Variants in FARSB observed in about 807,000 individuals in gnomAD.
The protein encoded by FARSB is phenylalanyl-tRNA synthetase subunit beta, also known as phenylalanine--tRNA ligase beta subunit.
In FARSB, 40 loss-of-function variants were observed where a neutral mutation model predicts 69.6. That is an observed-to-expected ratio of 0.57 (90% CI 0.45 to 0.75). The LOEUF (loss-of-function observed/expected upper bound fraction) is 0.75. FARSB is among the 30% of genes least tolerant of loss of function. FARSB has a pLI of 0.00. For missense variants in FARSB, 632 were observed against 722.9 expected (o/e 0.87, Z 1.44); for synonymous variants, 235 against 247.2 (o/e 0.95, Z 0.46).
chr2:222,645,202 T>C (rs1691817865), intron 2 of FARSB, among the ~76,000 whole-genome samples: 1 of 152,172 alleles, frequency 6.6e-6, no homozygotes. Context: ...CCAGAGAGAC[T>C]CGTCTGGACT....
chr2:222,631,478 TAAATTTCTA>T, intron 8 of FARSB, 117 bp downstream of exon 8: 1 of 678,954 alleles, frequency 1.5e-6, no homozygotes, highest in South Asian at 1.6e-5. Flanking sequence ...TTTAATTGTC[TAAATTTCTA>T]AAATATGTTC....
chr2:222,586,164 A>G (rs1053179657), intron 16 of FARSB, among the ~76,000 whole-genome samples: 1 of 152,232 alleles, frequency 6.6e-6, no homozygotes, highest in African/African-American at 2.4e-5. Context: ...CGGATCTCTC[A>G]GGAGAAACTC....
intron 16 of FARSB, among the ~76,000 whole-genome samples, chr2:222,581,973 G>A (rs1689982980): frequency 6.6e-6 from 1 of 152,222 alleles, no homozygotes; most frequent in African/African-American, 2.4e-5. Context: ...TGCAGCGTTT[G>A]TACAACGTTG....
intron 2 of FARSB, among the ~76,000 whole-genome samples, chr2:222,644,870 T>G (rs1376363057): frequency 6.6e-6 from 1 of 152,102 alleles, no homozygotes; most frequent in African/African-American, 2.4e-5. Flanking sequence ...GAATTTCTTA[T>G]TGTACTATAC....
chr2:222,590,710 A>G (rs932595341), intron 16 of FARSB, among the ~76,000 whole-genome samples: 1 of 152,180 alleles, frequency 6.6e-6, no homozygotes, highest in Non-Finnish European at 1.5e-5. Flanking sequence ...TGTTGTATTT[A>G]CAACTGGGAA....
At chr2:222,587,573 G>C (rs1015227035) in intron 16 of FARSB, among the ~76,000 whole-genome samples, 1 of 152,112 alleles carries the variant, frequency 6.6e-6, no homozygotes, top group Admixed American at 6.5e-5. Context: ...CCAGGAGCTG[G>C]TTTTTTGAAA....
rs796135513 is a variant in FARSB at position 222,644,650 on chromosome 2, G to T, written c.115-1645C>A. On this transcript the variant is annotated intron_variant, in intron 2 of 16. Transcript: ENST00000281828. ...CAGCAGCACCCCCTTATCCACAGGG[G>T]ATATGTTTCAAGCTCCCCAGTGGAT... The T allele has an allele frequency of 1.7e-5, 6 of 362,588 alleles. No individual in the cohort carries two copies. The East Asian group carries it at 2.5e-4, about 15-fold the overall frequency. The allele number at this position is 362,588 out of a possible 1,614,324, so 22.5% of individuals were successfully genotyped here.
intron 6 of FARSB, among the ~76,000 whole-genome samples, chr2:222,633,684 A>C (rs1574946108): frequency 1.4e-4 from 1 of 6,924 alleles, no homozygotes. Flanking sequence ...CTCCGTCTCA[A>C]AAAAAAAAAA....
intron 10 of FARSB, among the ~76,000 whole-genome samples, chr2:222,625,978 G>A (rs1440369267): frequency 3.3e-5 from 5 of 152,138 alleles, no homozygotes; most frequent in African/African-American, 9.7e-5. Context: ...TGGGCGTGGT[G>A]GCTCACGCCT....
chr2:222,650,506 G>T (rs1203816678), intron 1 of FARSB, among the ~76,000 whole-genome samples: 1 of 152,184 alleles, frequency 6.6e-6, no homozygotes, highest in Non-Finnish European at 1.5e-5. Flanking sequence ...AATGTATAAG[G>T]CTCGATGGCC....
chr2:222,587,606 A>G (rs1690152805), intron 16 of FARSB, among the ~76,000 whole-genome samples: 1 of 152,238 alleles, frequency 6.6e-6, no homozygotes, highest in East Asian at 1.9e-4. Flanking sequence ...TTGATAGACC[A>G]CTAGCAGACT....
chr2:222,651,888 G>T (rs1299548220), intron 1 of FARSB, among the ~76,000 whole-genome samples: 1 of 152,210 alleles, frequency 6.6e-6, no homozygotes, highest in East Asian at 1.9e-4. Context: ...TCACTCAGAG[G>T]GGTGGAAACC....
intron 8 of FARSB, among the ~76,000 whole-genome samples, chr2:222,630,418 C>T (rs1216601541): frequency 6.6e-6 from 1 of 152,130 alleles, no homozygotes; most frequent in Non-Finnish European, 1.5e-5. Flanking sequence ...TTCCCCAACC[C>T]CCAACCTCAG....
At chr2:222,634,294 TAAAAG>T in intron 6 of FARSB, 92 bp downstream of exon 6, 1 of 837,802 alleles carries the variant, frequency 1.2e-6, no homozygotes, top group Non-Finnish European at 1.8e-6. Context: ...TGCTATTTTT[TAAAAG>T]TATTGATTAC....
At chr2:222,633,122 T>C in intron 7 of FARSB, 77 bp downstream of exon 7, 2 of 797,952 alleles carry the variant, frequency 2.5e-6, no homozygotes, top group Non-Finnish European at 4.5e-6. Flanking sequence ...TTCAGCCAAG[T>C]CTATTGAGAA....
Position 222,632,153 on chromosome 2 carries a change from A to C in FARSB, c.716-479T>G, listed in dbSNP as rs766704775. On this transcript the variant is annotated intron_variant, in intron 7 of 16. Transcript: ENST00000281828. Reference sequence around the variant, plus strand: ...AAAAAATAAAAATAATAAAAAAAAAACCTAACATCTTAAGAGCAAAGGGAT... The same window carrying C: ...AAAAAATAAAAATAATAAAAAAAAACCCTAACATCTTAAGAGCAAAGGGAT... Among the ~76,000 whole-genome samples, 234 of 152,180 alleles carry C rather than the reference A, an allele frequency of 1.5e-3. 1 individual carries two copies. The highest frequency in any genetic ancestry group is 2.7e-3 in the Non-Finnish European group (183 of 68,004).
At chr2:222,636,729 C>G (rs1691591480) in intron 5 of FARSB, among the ~76,000 whole-genome samples, 1 of 152,120 alleles carries the variant, frequency 6.6e-6, no homozygotes, top group Non-Finnish European at 1.5e-5. Flanking sequence ...AAAACTGAAC[C>G]ACTGCTGAGT....
intron 2 of FARSB, 46 bp downstream of exon 2, chr2:222,648,694 C>T (rs756059887): frequency 3.5e-6 from 4 of 1,139,420 alleles, no homozygotes; most frequent in Admixed American, 1.7e-5. Context: ...GAAAAATAAG[C>T]TTATGCACAC....
chr2:222,618,201 A>G (rs150421542), intron 14 of FARSB, among the ~76,000 whole-genome samples: 2 of 152,284 alleles, frequency 1.3e-5, no homozygotes, highest in East Asian at 3.9e-4. Context: ...TATATTACCA[A>G]TTAGTTCTTT....
Sources: allele counts gnomAD v4.1 joint callset (sites outside exome capture counted in the v4.1 genomes callset), GRCh38; gene constraint gnomAD v4.1.1; transcripts MANE v1.5; gene names NCBI Gene and HGNC (gene_info 2026-07-23, HGNC 2026-07-21).